The following PRDM16 variants were observed in gnomAD, a reference collection of about 807,000 sequenced individuals.
PRDM16 encodes histone-lysine N-methyltransferase PRDM16.
In PRDM16, 23 loss-of-function variants were observed where a neutral mutation model predicts 110.6. The ratio of observed to expected loss-of-function variants is 0.21; its 90% CI spans 0.15 to 0.29. The LOEUF is 0.29. PRDM16 is among the 10% of genes least tolerant of loss of function. The probability of loss-of-function intolerance (pLI) is 1.00; values close to 1 mark genes in which losing one functional copy is unlikely to be tolerated. For missense variants in PRDM16, 1,615 were observed against 1,794.3 expected (o/e 0.90, Z 1.81); for synonymous variants, 799 against 781.8 (o/e 1.02, Z -0.37).
At chr1:3,317,443 C>T (rs1041205694) in intron 3 of PRDM16, among the ~76,000 whole-genome samples, 1 of 152,222 alleles carries the variant, frequency 6.6e-6, no homozygotes, top group Non-Finnish European at 1.5e-5. Flanking sequence ...AGCAGGAGTG[C>T]GGGCGTGCCG....
intron 1 of PRDM16, among the ~76,000 whole-genome samples, chr1:3,146,669 T>G (rs1208924185): frequency 1.5e-5 from 2 of 135,846 alleles, no homozygotes; most frequent in Non-Finnish European, 3.1e-5. Flanking sequence ...GTGTGCTCAG[T>G]GTGGGGTGTG....
At chr1:3,127,562 T>C (rs1643236026) in intron 1 of PRDM16, among the ~76,000 whole-genome samples, 1 of 152,226 alleles carries the variant, frequency 6.6e-6, no homozygotes, top group South Asian at 2.1e-4. Context: ...TAGACCTGGT[T>C]TCTGGTTTCA....
rs1364381325 is a variant in PRDM16, at chr1:3,255,038, G to C, written c.438+10901G>C. Among the ~76,000 whole-genome samples, 1 of 151,950 alleles carries C rather than the reference G, an allele frequency of 6.6e-6. No homozygotes were observed. The highest frequency in any genetic ancestry group is 1.5e-5 in the Non-Finnish European group (1 of 68,000). ...ACTATCTGATCTTTGACAAACCTGA[G>C]AAAAACAAGCAATGGGGAAAGGATT... On this transcript the variant is annotated intron_variant, in intron 3 of 16. Coordinates refer to ENST00000270722, the MANE Select transcript of PRDM16 (RefSeq NM_022114.4). The surrounding 1 kb of genome is among the most constrained non-coding windows in gnomAD (Gnocchi z 4.7).
chr1:3,431,910 C>T (rs754430340), intron 15 of PRDM16, 56 bp from the exon 16 acceptor site: 157 of 1,565,190 alleles, frequency 1.0e-4, no homozygotes, highest in Non-Finnish European at 1.3e-4. Context: ...ATCAGAGAGG[C>T]GGCCAAGGCC....
chr1:3,417,326 A>G (rs1288863542), intron 10 of PRDM16, among the ~76,000 whole-genome samples: 1 of 152,236 alleles, frequency 6.6e-6, no homozygotes, highest in Non-Finnish European at 1.5e-5. Flanking sequence ...CAGGCCCACA[A>G]TCTATGCTTT....
At chr1:3,194,861 A>T (rs1473502605) in intron 2 of PRDM16, among the ~76,000 whole-genome samples, 1 of 151,988 alleles carries the variant, frequency 6.6e-6, no homozygotes, top group African/African-American at 2.4e-5. Flanking sequence ...CACTGCCCAC[A>T]CCACCCCCAC....
intron 1 of PRDM16, among the ~76,000 whole-genome samples, chr1:3,085,292 G>A (rs191393927): frequency 4.0e-4 from 61 of 152,306 alleles, no homozygotes; most frequent in Admixed American, 7.8e-4. Context: ...GGTGGCCTTC[G>A]CTTGCTGGGC....
rs533059377 is a variant in PRDM16, at chr1:3,426,237, A to G, written c.3284+12A>G. ...CGAACAGAGAAACGGTAAGAAAACT[A>G]TCGCGGGCTGGGGAAAGTCTGGACC... On this transcript the variant is annotated intron_variant, in intron 14 of 16. Transcript: ENST00000270722. 2.2e-5 allele frequency: 36 copies of G among 1,610,222 alleles called. No individual in the cohort carries two copies. Among genetic ancestry groups the G allele is most frequent in the South Asian group, 8.8e-5 (8 of 90,844 alleles).
intron 3 of PRDM16, among the ~76,000 whole-genome samples, chr1:3,348,883 G>A (rs991460685): frequency 6.6e-6 from 1 of 152,198 alleles, no homozygotes; most frequent in Non-Finnish European, 1.5e-5. Context: ...ATGAGGGAGC[G>A]GCCCATGTCC....
chr1:3,238,849 G>T (rs12078962), intron 2 of PRDM16, among the ~76,000 whole-genome samples: 2 of 152,242 alleles, frequency 1.3e-5, no homozygotes, highest in Admixed American at 6.5e-5. Flanking sequence ...GCCCAGACTC[G>T]AGTGCGGGCG....
rs760108398 is a variant in PRDM16 at position 3,436,320 on chromosome 1, C to T, written c.*2509C>T. 8.2e-5 allele frequency: 19 copies of T among 231,190 alleles called. No individual in the cohort carries two copies. The East Asian group carries it at 9.2e-4, about 11-fold the overall frequency. 14.3% of individuals were successfully genotyped at this position (231,190 alleles called of 1,614,324 possible). A position where few individuals can be genotyped will look rare whatever the true frequency, so the allele number is the denominator to read the frequency against. ...GAGAGCCGCCCTTACCGTTGGTCTC[C>T]GGATCCCCCAGTCCCATCCCGCCGT... On this transcript the variant is annotated 3_prime_UTR_variant, in exon 17 of 17. Coordinates refer to ENST00000270722, the MANE Select transcript of PRDM16 (RefSeq NM_022114.4).
intron 3 of PRDM16, among the ~76,000 whole-genome samples, chr1:3,305,317 G>A (rs781494213): frequency 6.6e-5 from 10 of 152,198 alleles, no homozygotes; most frequent in African/African-American, 9.7e-5. Context: ...GCACATGCAG[G>A]GACCTGATGG....
rs1238631051 is a variant in PRDM16, at chr1:3,404,866, G to A, written c.1012G>A (p.Glu338Lys). 4 of 1,613,080 alleles carry A rather than the reference G, an allele frequency of 2.5e-6. No homozygotes were observed. The highest frequency in any genetic ancestry group is 3.4e-6 in the Non-Finnish European group (4 of 1,179,946). The change falls in exon 7 of 17, where the codon GAA (glutamate) becomes AAA (lysine). Residue 338 changes from glutamate to lysine, a missense_variant. Physicochemically the swap from Glu to Lys is moderately conservative, Grantham distance 56. Coordinates refer to ENST00000270722, the MANE Select transcript of PRDM16 (RefSeq NM_022114.4). Reference protein sequence around the residue: ...QMSHDSGKRFECENCVKVFTD... With the variant: ...QMSHDSGKRFKCENCVKVFTD... ...GTCCCACGACAGCGGCAAACGCTTC[G>A]AATGTGAAAACTGCGTGAAGGTAAC...
At chr1:3,401,927 A>G (rs1557654108) in intron 5 of PRDM16, among the ~76,000 whole-genome samples, 1 of 152,250 alleles carries the variant, frequency 6.6e-6, no homozygotes, top group African/African-American at 2.4e-5. Context: ...ATGCATCCTC[A>G]CACACATGCA....
chr1:3,109,248 C>T (rs1282315848), intron 1 of PRDM16, among the ~76,000 whole-genome samples: 1 of 152,120 alleles, frequency 6.6e-6, no homozygotes, highest in Non-Finnish European at 1.5e-5. Flanking sequence ...ATCCGGTCCA[C>T]GTTTTGCAGG....
At chr1:3,171,481 G>T (rs185456441) in intron 1 of PRDM16, among the ~76,000 whole-genome samples, 1 of 152,284 alleles carries the variant, frequency 6.6e-6, no homozygotes, top group African/African-American at 2.4e-5. Context: ...CCTCAGTGCC[G>T]CAGGTGCTCT....
At chr1:3,207,301 G>T (rs1348517590) in intron 2 of PRDM16, 1 of 152,236 alleles carries the variant, frequency 6.6e-6, no homozygotes, top group African/African-American at 2.4e-5. Flanking sequence ...GGATGCTTCG[G>T]CCCAGCCAGG....
At chr1:3,140,353 G>A (rs1643524668) in intron 1 of PRDM16, among the ~76,000 whole-genome samples, 1 of 152,120 alleles carries the variant, frequency 6.6e-6, no homozygotes, top group South Asian at 2.1e-4. Context: ...TGTGGCTACG[G>A]GGGTCTCACA....
In PRDM16 at chr1:3,411,483, G is replaced by A. The variant is rs749740251; in HGVS notation, c.1286G>A (p.Gly429Asp). The A allele has an allele frequency of 4.3e-6, 7 of 1,614,106 alleles. No homozygotes were observed. Among genetic ancestry groups the A allele is most frequent in the East Asian group, 2.2e-5 (1 of 44,886 alleles). Residue 429 changes from glycine to aspartate, a missense_variant, in exon 9 of 17, where the codon GGC becomes GAC. Around this residue, in one of 5 missense-constraint regions of PRDM16, gnomAD observed 82 missense variants for 144.4 expected, o/e 0.57. Transcript: ENST00000270722. ...ACGCAGATCAAGTGCAAGGACTGTG[G>A]CCAGATGTTCAGCACTACCTCCTCC... ...CRTQIKCKDC[G>D]QMFSTTSSLN...
Sources: allele counts gnomAD v4.1 joint callset (sites outside exome capture counted in the v4.1 genomes callset), GRCh38; gene constraint gnomAD v4.1.1; regional missense constraint gnomAD v4.1.1; non-coding constraint Gnocchi (gnomAD v3.1); transcripts MANE v1.5; gene names NCBI Gene and HGNC (gene_info 2026-07-23, HGNC 2026-07-21).